Variants in EIF3A observed in about 807,000 individuals in gnomAD.
EIF3A encodes EIF3, p180 subunit.
A neutral mutation model predicts 186.6 loss-of-function variants in EIF3A; 21 were observed. The ratio of observed to expected loss-of-function variants is 0.11; its 90% confidence interval spans 0.08 to 0.16. The LOEUF (loss-of-function observed/expected upper bound fraction) is 0.16, where lower values mean the gene tolerates loss of function less well. Among genes scored for constraint, EIF3A ranks in the 10% least tolerant of loss-of-function variants. The pLI, the probability that EIF3A is intolerant of heterozygous loss-of-function variation, is 1.00. For synonymous variants in EIF3A, 563 were observed against 584.3 expected, an observed-to-expected ratio of 0.96 and a Z score of 0.52; for missense variants, 1,306 against 1,796.3, an observed-to-expected ratio of 0.73 and a Z score of 4.93.
chr10:119,042,549 T>A lies in EIF3A; in HGVS notation c.2971A>T (p.Asn991Tyr). ...CTGGGAGGCCTGTCATCATCTGTGT[T>A]ACGCCAGGAAGGCCGGTCATCGTCT... ...GADDDRPSWRNTDDDRPPRRI... is the reference protein window; with the variant it reads ...GADDDRPSWRYTDDDRPPRRI... Residue 991 changes from asparagine to tyrosine, a missense_variant, in exon 19 of 22, where the codon AAC becomes TAC. Coordinates refer to ENST00000369144, the MANE Select transcript of EIF3A (RefSeq NM_003750.4). This position sits in a 1 kb window ranked among gnomAD's most constrained non-coding sequence, Gnocchi z 7.8. 6.2e-7 allele frequency: 1 copy of A among 1,614,060 alleles called. No individual in the cohort carries two copies. Among genetic ancestry groups the A allele is most frequent in the South Asian group, 1.1e-5 (1 of 91,082 alleles).
intron 17 of EIF3A, 104 bp from the exon 18 acceptor site, chr10:119,044,246 G>A: frequency 1.3e-6 from 1 of 767,126 alleles, no homozygotes; most frequent in Non-Finnish European, 2.2e-6. Context: ...ACAATATGAA[G>A]CCCTTAAATA....
In EIF3A at chr10:119,035,957, ATTGG is replaced by A; in HGVS notation, c.*78_*81del. 9.6e-7 allele frequency: 1 copy of A among 1,044,692 alleles called. No individual in the cohort carries two copies. Among genetic ancestry groups the A allele is most frequent in the Non-Finnish European group, 1.5e-6 (1 of 681,718 alleles). 64.7% of individuals were successfully genotyped at this position (1,044,692 alleles called of 1,614,324 possible). A position where few individuals can be genotyped will look rare whatever the true frequency, so the allele number is the denominator to read the frequency against. ...AACAACATTAAAGAATCCAATTTAG[ATTGG>A]TTGAAGCACAAGTATAATAATCCTT... On this transcript the variant is annotated 3_prime_UTR_variant, in exon 22 of 22. Transcript: ENST00000369144.
In EIF3A at chr10:119,038,386, C is replaced by G; in HGVS notation, c.3580G>C (p.Glu1194Gln). Reference protein sequence around the residue: ...AREESWGPPRESRPSEEREWD... With the variant: ...AREESWGPPRQSRPSEEREWD... ...TCACGTTCTTCTGATGGCCTTGATT[C>G]TCGAGGTGGACCCCAGCTCTCCTCT... The change falls in exon 20 of 22, where the codon GAA becomes CAA. Residue 1194 changes from glutamate to glutamine, a missense_variant. Physicochemically the swap from Glu to Gln is conservative, Grantham distance 29 (BLOSUM62 2). This residue lies in a region of EIF3A where 331 missense variants were observed against 365.8 expected (regional missense o/e 0.90). Coordinates refer to ENST00000369144, the MANE Select transcript of EIF3A (RefSeq NM_003750.4). 1.9e-6 allele frequency: 3 copies of G among 1,614,180 alleles called. No homozygotes were observed. The highest frequency in any genetic ancestry group is 2.5e-6 in the Non-Finnish European group (3 of 1,180,028).
intron 1 of EIF3A, among the ~76,000 whole-genome samples, chr10:119,076,937 CAAAA>C (rs71016536): frequency 8.1e-6 from 1 of 123,480 alleles, no homozygotes; most frequent in Non-Finnish European, 1.6e-5. Context: ...GACTCTGTCT[CAAAA>C]AAAAAAAAAA....
At chr10:119,078,499 G>C (rs1022564106) in intron 1 of EIF3A, among the ~76,000 whole-genome samples, 2 of 152,022 alleles carry the variant, frequency 1.3e-5, no homozygotes, top group African/African-American at 2.4e-5. Context: ...TTTCCAATTA[G>C]GGGAATGCCC....
At chr10:119,078,094 A>C (rs1844205487) in intron 1 of EIF3A, among the ~76,000 whole-genome samples, 1 of 152,084 alleles carries the variant, frequency 6.6e-6, no homozygotes, top group African/African-American at 2.4e-5. Context: ...TTGCTAGTTT[A>C]TTTGTGCAAC....
At chr10:119,043,903 A>C in intron 18 of EIF3A, 151 bp downstream of exon 18, 3 of 641,166 alleles carry the variant, frequency 4.7e-6, no homozygotes, top group Non-Finnish European at 8.2e-6. Flanking sequence ...AGACCCAAAA[A>C]AACAAAATAC....
intron 1 of EIF3A, among the ~76,000 whole-genome samples, chr10:119,078,863 A>G (rs1844217028): frequency 6.6e-6 from 1 of 152,180 alleles, no homozygotes; most frequent in Non-Finnish European, 1.5e-5. Flanking sequence ...AGGTTCCAAA[A>G]AGAGAAGCGA....
chr10:119,036,540 C>T (rs1417616202), intron 21 of EIF3A, among the ~76,000 whole-genome samples: 3 of 152,112 alleles, frequency 2.0e-5, no homozygotes, highest in Middle Eastern at 3.4e-3. Context: ...AGTATAAACC[C>T]GTAAGACAAG....
Position 119,056,835 on chromosome 10 carries a change from C to A in EIF3A, c.2101G>T (p.Ala701Ser), listed in dbSNP as rs755417206. The A allele has an allele frequency of 6.2e-7, 1 of 1,613,306 alleles. No homozygotes were observed. The highest frequency in any genetic ancestry group is 8.5e-7 in the Non-Finnish European group (1 of 1,179,400). The change falls in exon 14 of 22, where the codon GCC becomes TCC. Residue 701 changes from alanine (A) to serine (S), a missense_variant. Physicochemically the swap from Ala to Ser is moderately conservative, Grantham distance 99. Around this residue, in one of 8 missense-constraint regions of EIF3A, gnomAD observed 94 missense variants for 204.9 expected, o/e 0.46. Transcript: ENST00000369144. ...AAAGGAATTTCTTCCAAACGTTTGGCTCTTTCAAAATAGTCAATCTGAATG... is the reference window on the plus strand; with the variant it reads ...AAAGGAATTTCTTCCAAACGTTTGGATCTTTCAAAATAGTCAATCTGAATG... ...QEKKIDYFER[A>S]KRLEEIPLIK...
chr10:119,046,692 C>T (rs1319442527), intron 17 of EIF3A, among the ~76,000 whole-genome samples: 1 of 152,206 alleles, frequency 6.6e-6, no homozygotes, highest in Non-Finnish European at 1.5e-5. Context: ...GGCACAGTGG[C>T]TCATGCCTGT....
At chr10:119,049,754 A>C (rs766179119) in intron 17 of EIF3A, 47 bp downstream of exon 17, 2 of 1,552,362 alleles carry the variant, frequency 1.3e-6, no homozygotes, top group East Asian at 4.5e-5. Context: ...AACCAAAAAA[A>C]AAAAGTCACA....
At chr10:119,075,974 C>T (rs1844165214) in intron 1 of EIF3A, among the ~76,000 whole-genome samples, 1 of 143,412 alleles carries the variant, frequency 7.0e-6, no homozygotes. Context: ...GATCTGCCCA[C>T]CTCGGCCTCC....
chr10:119,056,764 C>T lies in EIF3A; in HGVS notation c.2172G>A (p.Leu724=), dbSNP rs1207711051. The change falls in exon 14 of 22, where the codon CTG becomes CTA. Residue 724 remains leucine (L), a synonymous_variant. Coordinates refer to ENST00000369144, the MANE Select transcript of EIF3A (RefSeq NM_003750.4). ...YEEQRIKDMD[L]WEQQEEERIT... Reference sequence around the variant, plus strand: ...CTCTTTCTTCCTCTTGTTGCTCCCACAGATCCATGTCTTTAATTCTCTGTT... The same window carrying T: ...CTCTTTCTTCCTCTTGTTGCTCCCATAGATCCATGTCTTTAATTCTCTGTT... 2 of 1,610,638 alleles carry T rather than the reference C, an allele frequency of 1.2e-6. No individual in the cohort carries two copies. The highest frequency in any genetic ancestry group is 4.5e-5 in the East Asian group (2 of 44,824).
At chr10:119,036,865 ATT>A in intron 21 of EIF3A, among the ~76,000 whole-genome samples, 1 of 152,182 alleles carries the variant, frequency 6.6e-6, no homozygotes, top group Non-Finnish European at 1.5e-5. Context: ...AATTTTTTTC[ATT>A]TTTATTAAGT....
intron 7 of EIF3A, among the ~76,000 whole-genome samples, chr10:119,061,768 A>G (rs536992434): frequency 2.0e-5 from 3 of 152,354 alleles, no homozygotes; most frequent in East Asian, 1.9e-4. Context: ...TAAAATAAAC[A>G]AAAATGCTCA....
rs182437591 is a variant in EIF3A at position 119,053,750 on chromosome 10, T to C, written c.2197-2429A>G. Among the ~76,000 whole-genome samples, 192 of 152,218 alleles carry C rather than the reference T, an allele frequency of 1.3e-3. 2 individuals are homozygous for C. Among genetic ancestry groups the C allele is most frequent in the African/African-American group, 4.5e-3 (186 of 41,534 alleles). On this transcript the variant is annotated intron_variant, in intron 14 of 21. Transcript: ENST00000369144. ...AAAGTAAGAAAGTCTGTTGTTTAAGTGTAGCCACCTTCATCAACTATCTCA... is the reference window on the plus strand; with the variant it reads ...AAAGTAAGAAAGTCTGTTGTTTAAGCGTAGCCACCTTCATCAACTATCTCA...
intron 19 of EIF3A, among the ~76,000 whole-genome samples, chr10:119,041,170 T>G (rs1848203543): frequency 6.6e-6 from 1 of 150,962 alleles, no homozygotes; most frequent in African/African-American, 2.4e-5. Flanking sequence ...AGAGCAAGAC[T>G]CCACCTCAAA....
intron 6 of EIF3A, 52 bp downstream of exon 6, chr10:119,069,394 T>C (rs111800999): frequency 4.6e-5 from 42 of 906,176 alleles, no homozygotes; most frequent in South Asian, 1.1e-4. Flanking sequence ...TGTCATATAA[T>C]AGACGATATT....
Sources: gnomAD v4.1 joint callset for allele counts (sites outside exome capture counted in the v4.1 genomes callset) on GRCh38, gnomAD v4.1.1 for gene constraint, gnomAD v4.1.1 regional missense constraint, Gnocchi (gnomAD v3.1) non-coding constraint, MANE v1.5 for transcripts, NCBI Gene and HGNC (gene_info 2026-07-23, HGNC 2026-07-21) for gene names.